Variants in NR5A1 observed in about 807,000 individuals in gnomAD.
The protein encoded by NR5A1 is steroidogenic factor 1.
Under a neutral mutation model 42.7 loss-of-function variants are expected in NR5A1, and 6 were observed. The ratio of observed to expected loss-of-function variants is 0.14; its 90% CI spans 0.08 to 0.28. The LOEUF is 0.28. NR5A1 is among the 10% of genes least tolerant of loss of function. The pLI is 1.00. For synonymous variants in NR5A1, 274 were observed against 277.5 expected, an observed-to-expected ratio of 0.99 and a Z score of 0.12; for missense variants, 442 against 626.4, an observed-to-expected ratio of 0.71 and a Z score of 3.14.
Position 124,491,392 on chromosome 9 carries a change from A to G in NR5A1, c.991-164T>C, listed in dbSNP as rs184776788. Among the ~76,000 whole-genome samples the G allele has an allele frequency of 7.0e-3, 1,060 of 152,194 alleles. 8 individuals carry two copies. Among genetic ancestry groups the G allele is most frequent in the African/African-American group, 0.023 (971 of 41,510 alleles). ...TGGTGCCGAGCCAGGCACGGGTAAC[A>G]TCTGCACAGCCCCGGGGACGCTGCC... On this transcript the variant is annotated intron_variant, in intron 5 of 6. Coordinates refer to ENST00000373588, the MANE Select transcript of NR5A1 (RefSeq NM_004959.5).
chr9:124,488,311 C>T (rs1295058055), intron 6 of NR5A1, among the ~76,000 whole-genome samples: 1 of 152,092 alleles, frequency 6.6e-6, no homozygotes, highest in East Asian at 1.9e-4. Flanking sequence ...ACTGGCCAGC[C>T]AAAGGCCTCT....
At chr9:124,505,644 G>GATCCCATTTTAC (rs1406345472) in intron 1 of NR5A1, among the ~76,000 whole-genome samples, 33 of 152,358 alleles carry the variant, frequency 2.2e-4, no homozygotes, top group Admixed American at 1.0e-3. Context: ...CGCTGGGCTG[G>GATCCCATTTTAC]AAATGGGACT....
Position 124,482,718 on chromosome 9 carries a change from C to CCA in NR5A1, c.*39_*40insTG. On this transcript the variant is annotated 3_prime_UTR_variant, in exon 7 of 7. Coordinates refer to ENST00000373588, the MANE Select transcript of NR5A1 (RefSeq NM_004959.5). ...TGCGGCCCCGCCCAGGCCCCGCCCC[C>CCA]AGTCCCGCCCCCAGTCCCGGCCCCG... The CCA allele has an allele frequency of 1.6e-5, 14 of 855,290 alleles. No individual in the cohort carries two copies. Among genetic ancestry groups the CCA allele is most frequent in the South Asian group, 4.4e-5 (3 of 68,402 alleles). The allele number at this position is 855,290 out of a possible 1,614,324, so 53.0% of individuals were successfully genotyped here. A position where few individuals can be genotyped will look rare whatever the true frequency, so the allele number is the denominator to read the frequency against.
chr9:124,485,651 C>T (rs570945376), intron 6 of NR5A1, among the ~76,000 whole-genome samples: 3 of 152,222 alleles, frequency 2.0e-5, no homozygotes, highest in Non-Finnish European at 2.9e-5. Flanking sequence ...GGAAGTTCCC[C>T]GTTGTCCAGA....
intron 1 of NR5A1, among the ~76,000 whole-genome samples, chr9:124,505,134 C>A (rs1044399462): frequency 4.6e-5 from 7 of 151,876 alleles, no homozygotes; most frequent in Admixed American, 6.5e-5. Context: ...ATCCTCCAGG[C>A]CCCCCAGCCG....
At chr9:124,493,172 G>A in intron 4 of NR5A1, 23 bp from the exon 5 acceptor site, 1 of 1,604,198 alleles carries the variant, frequency 6.2e-7, no homozygotes, top group Non-Finnish European at 8.5e-7. Context: ...GGCACGCGGG[G>A]GGCCGGGCTC....
At chr9:124,489,179 C>T (rs1262982336) in intron 6 of NR5A1, among the ~76,000 whole-genome samples, 1 of 152,236 alleles carries the variant, frequency 6.6e-6, no homozygotes, top group Non-Finnish European at 1.5e-5. Flanking sequence ...CCCTGCCCTT[C>T]AGGGGACACC....
chr9:124,506,380 C>T (rs980295002), intron 1 of NR5A1, among the ~76,000 whole-genome samples: 1 of 152,228 alleles, frequency 6.6e-6, no homozygotes, highest in East Asian at 1.9e-4. Context: ...CACCCCCAAA[C>T]CCCTGAGAAA....
Position 124,482,675 on chromosome 9 carries a change from C to A in NR5A1, c.*83G>T, listed in dbSNP as rs1832145542. 6.9e-7 allele frequency: 1 copy of A among 1,455,040 alleles called. No homozygotes were observed. Among genetic ancestry groups the A allele is most frequent in the South Asian group, 1.2e-5 (1 of 82,008 alleles). 90.1% of individuals were successfully genotyped at this position (1,455,040 alleles called of 1,614,324 possible). On this transcript the variant is annotated 3_prime_UTR_variant, in exon 7 of 7. Coordinates refer to ENST00000373588, the MANE Select transcript of NR5A1 (RefSeq NM_004959.5). ...GGTGGGCATCAGAAAATGAACCATG[C>A]GGAGCCAGCGGTGTGGCTGCGGCCC...
chr9:124,489,101 C>T (rs1832264939), intron 6 of NR5A1, among the ~76,000 whole-genome samples: 2 of 152,230 alleles, frequency 1.3e-5, no homozygotes, highest in South Asian at 2.1e-4. Context: ...CCTGGATTCA[C>T]CCCCGGCAGC....
At chr9:124,488,058 C>A (rs1588616209) in intron 6 of NR5A1, among the ~76,000 whole-genome samples, 2 of 152,144 alleles carry the variant, frequency 1.3e-5, no homozygotes, top group East Asian at 3.9e-4. Flanking sequence ...CCGTCCCCAC[C>A]CCTGCAGCCA....
intron 4 of NR5A1, among the ~76,000 whole-genome samples, 187 bp downstream of exon 4, chr9:124,499,903 G>A (rs963341204): frequency 2.6e-5 from 4 of 152,096 alleles, no homozygotes; most frequent in African/African-American, 9.7e-5. Flanking sequence ...GAGAGGGAGG[G>A]AGCGGGGACC....
intron 6 of NR5A1, among the ~76,000 whole-genome samples, chr9:124,490,318 ATG>A (rs1832287568): frequency 1.3e-5 from 2 of 152,288 alleles, no homozygotes; most frequent in South Asian, 4.1e-4. Context: ...AGGGACAGCT[ATG>A]TCCTCAGCAT....
intron 3 of NR5A1, 79 bp downstream of exon 3, chr9:124,503,000 C>T: frequency 6.6e-7 from 1 of 1,512,970 alleles, no homozygotes. Context: ...GGTACTATCC[C>T]CTCAGCCCCT....
rs1832461776 is a variant in NR5A1, at chr9:124,500,889, G to A, written c.245-174C>T. The A allele has an allele frequency of 1.9e-6, 2 of 1,041,864 alleles. No homozygotes were observed. Among genetic ancestry groups the A allele is most frequent in the Non-Finnish European group, 2.9e-6 (2 of 681,864 alleles). 64.5% of individuals were successfully genotyped at this position (1,041,864 alleles called of 1,614,324 possible). ...TCCTTTGCCTGGCATTCAAGGCCCT[G>A]CTCAGCTTTTCAGGCAATCCCTGCT... On this transcript the variant is annotated intron_variant, in intron 3 of 6. Coordinates refer to ENST00000373588, the MANE Select transcript of NR5A1 (RefSeq NM_004959.5). The surrounding 1 kb of genome is among the most constrained non-coding windows in gnomAD (Gnocchi z 6.9).
intron 4 of NR5A1, among the ~76,000 whole-genome samples, chr9:124,499,437 C>G (rs1464556058): frequency 6.6e-6 from 1 of 152,226 alleles, no homozygotes; most frequent in Non-Finnish European, 1.5e-5. Context: ...TTCCTGAACA[C>G]CCACACACAT....
At chr9:124,502,967 G>A (rs926665532) in intron 3 of NR5A1, 112 bp downstream of exon 3, 14 of 1,371,170 alleles carry the variant, frequency 1.0e-5, no homozygotes, top group African/African-American at 4.4e-5. Context: ...AATGTCGCAC[G>A]AGGGGCCTTC....
In NR5A1 at chr9:124,482,941, C is replaced by G. The variant is rs763862772; in HGVS notation, c.1203G>C (p.Leu401=). 7.4e-6 allele frequency: 12 copies of G among 1,614,156 alleles called. No individual in the cohort carries two copies. The highest frequency in any genetic ancestry group is 1.0e-5 in the Non-Finnish European group (12 of 1,180,032). ...KDAQEKANAA[L]LDYTLCHYPH... is the part of the protein sequence containing the mutation. ...GGTAGTGGCACAGGGTGTAGTCAAG[C>G]AGGGCGGCGTTGGCCTTCTCCTGAG... Residue 401 remains leucine (L), a synonymous_variant, in exon 7 of 7, where the codon CTG becomes CTC. Coordinates refer to ENST00000373588, the MANE Select transcript of NR5A1 (RefSeq NM_004959.5).
In NR5A1 at chr9:124,503,745, A is replaced by T. The variant is rs1484810652; in HGVS notation, c.-15-335T>A. ...AGAACAAAACCCCGATTCTGAGAAA[A>T]AGAGATGGGCTCAGCCGCGGGGAAG... On this transcript the variant is annotated intron_variant, in intron 1 of 6. Transcript: ENST00000373588. This position sits in a 1 kb window ranked among gnomAD's most constrained non-coding sequence, Gnocchi z 9.6. Among the ~76,000 whole-genome samples the T allele has an allele frequency of 1.3e-5, 2 of 152,222 alleles. No homozygotes were observed. The highest frequency in any genetic ancestry group is 2.9e-5 in the Non-Finnish European group (2 of 68,020).
Sources: allele counts gnomAD v4.1 joint callset (sites outside exome capture counted in the v4.1 genomes callset), GRCh38; gene constraint gnomAD v4.1.1; non-coding constraint Gnocchi (gnomAD v3.1); transcripts MANE v1.5; gene names NCBI Gene and HGNC (gene_info 2026-07-23, HGNC 2026-07-21).